ATP5MF: variants seen among roughly 807,000 people sequenced by gnomAD.
ATP5MF encodes ATP synthase F(0) complex subunit f, mitochondrial.
Under a neutral mutation model 13.8 loss-of-function variants are expected in ATP5MF, and 10 were observed. The ratio of observed to expected loss-of-function variants is 0.72; its 90% confidence interval spans 0.45 to 1.23. The LOEUF is 1.23. Ranked by LOEUF, ATP5MF falls within the 50% of genes most tolerant of loss-of-function variation. ATP5MF has a pLI of 0.00. For missense variants in ATP5MF, 122 were observed against 118.2 expected, an observed-to-expected ratio of 1.03 and a Z score of -0.15; for synonymous variants, 40 against 45.8, an observed-to-expected ratio of 0.87 and a Z score of 0.51.
chr7:99,466,064 C>T (rs770052983), intron 1 of ATP5MF, 47 bp downstream of exon 1: 1 of 1,613,858 alleles, frequency 6.2e-7, no homozygotes. Flanking sequence ...GGCTCTGGAC[C>T]CTGGACCCTG....
intron 1 of ATP5MF, among the ~76,000 whole-genome samples, chr7:99,462,982 G>A (rs1326567039): frequency 6.6e-6 from 1 of 152,212 alleles, no homozygotes; most frequent in Non-Finnish European, 1.5e-5. Flanking sequence ...TGGGTTTAAT[G>A]CCATTTTGTA....
chr7:99,465,572 A>C (rs1324433086), intron 1 of ATP5MF, among the ~76,000 whole-genome samples: 1 of 152,132 alleles, frequency 6.6e-6, no homozygotes, highest in Non-Finnish European at 1.5e-5. Flanking sequence ...CTAGAGAATA[A>C]AGTTCATTTA....
At chr7:99,461,019 G>C (rs967500879) in intron 1 of ATP5MF, among the ~76,000 whole-genome samples, 2 of 152,124 alleles carry the variant, frequency 1.3e-5, no homozygotes, top group Admixed American at 1.3e-4. Flanking sequence ...GCCCCAGATC[G>C]TATTCCAATG....
At chr7:99,458,435 C>A in intron 3 of ATP5MF, 80 bp from the exon 4 acceptor site, 1 of 1,407,240 alleles carries the variant, frequency 7.1e-7, no homozygotes. Flanking sequence ...AGGCTGAGAT[C>A]ACACAAAGCC....
chr7:99,466,057 T>C, intron 1 of ATP5MF, 54 bp downstream of exon 1: 1 of 1,613,700 alleles, frequency 6.2e-7, no homozygotes, highest in Middle Eastern at 1.7e-4. Flanking sequence ...CCAGTGTGGC[T>C]CTGGACCCTG....
At position 99,460,096 on chromosome 7, in the gene ATP5MF, C is replaced by T. The variant is rs149159438; in HGVS notation, c.129G>A (p.Ala43=). The change falls in exon 2 of 4, where the codon GCG becomes GCA. Residue 43 remains alanine (A), a synonymous_variant. Coordinates refer to ENST00000292475, the MANE Select transcript of ATP5MF (RefSeq NM_004889.5). ...RDFSPSGIFG[A]FQRGYYRYYN... ...CCACAAGGCTCTGACCTCTTTGAAA[C>T]GCTCCGAAAATGCCACTAGGACTGA... 25 of 1,612,962 alleles carry T rather than the reference C, an allele frequency of 1.5e-5. No individual in the cohort carries two copies. The highest frequency in any genetic ancestry group is 2.1e-5 in the Non-Finnish European group (25 of 1,179,696).
At chr7:99,462,078 G>GA (rs1798629390) in intron 1 of ATP5MF, among the ~76,000 whole-genome samples, 2 of 151,928 alleles carry the variant, frequency 1.3e-5, no homozygotes, top group African/African-American at 4.8e-5. Flanking sequence ...CATCACAGGA[G>GA]AAAAAAGGCA....
At position 99,460,558 on chromosome 7, in the gene ATP5MF, C is replaced by T. The variant is rs1356471673; in HGVS notation, c.32-365G>A. On this transcript the variant is annotated intron_variant, in intron 1 of 3. Coordinates refer to ENST00000292475, the MANE Select transcript of ATP5MF (RefSeq NM_004889.5). ...TAGCTTATTTAATCTTCACAACAAGCACTTCATGTCTTTACCTTAAAGGAG... is the reference window on the plus strand; with the variant it reads ...TAGCTTATTTAATCTTCACAACAAGTACTTCATGTCTTTACCTTAAAGGAG... The T allele has an allele frequency of 5.8e-6, 3 of 520,354 alleles. No homozygotes were observed. The East Asian group carries it at 1.6e-4, about 28-fold the overall frequency. The allele number at this position is 520,354 out of a possible 1,614,324, so 32.2% of individuals were successfully genotyped here.
In ATP5MF at chr7:99,458,285, G is replaced by A. The variant is rs757499267; in HGVS notation, c.*42C>T. The A allele has an allele frequency of 2.6e-5, 41 of 1,599,342 alleles. No individual in the cohort carries two copies. Among genetic ancestry groups the A allele is most frequent in the Admixed American group, 1.4e-4 (8 of 57,928 alleles). ...GATTGTGTTCCTCACGGAGGGGCTC[G>A]GGCCAAGGTCGTGGGGTGGGGGGGT... On this transcript the variant is annotated 3_prime_UTR_variant, in exon 4 of 4. Transcript: ENST00000292475.
chr7:99,458,256 T>G lies in ATP5MF; in HGVS notation c.*71A>C. ...AGGATATGAAAGGATTCAGCAACGA[T>G]TGAGATTGTGTTCCTCACGGAGGGG... is the stretch of plus-strand genomic sequence containing the variant. On this transcript the variant is annotated 3_prime_UTR_variant, in exon 4 of 4. Transcript: ENST00000292475. The G allele has an allele frequency of 1.4e-5, 20 of 1,463,424 alleles. No individual in the cohort carries two copies. The highest frequency in any genetic ancestry group is 4.6e-5 in the East Asian group (2 of 43,424). 90.7% of individuals were successfully genotyped at this position (1,463,424 alleles called of 1,614,324 possible). A position where few individuals can be genotyped will look rare whatever the true frequency, so the allele number is the denominator to read the frequency against.
Position 99,459,235 on chromosome 7 carries a change from GA to G in ATP5MF, c.167del (p.Ile56ThrfsTer3), listed in dbSNP as rs1434183865. 7.4e-6 allele frequency: 12 copies of G among 1,613,984 alleles called. No individual in the cohort carries two copies. Among genetic ancestry groups the G allele is most frequent in the Non-Finnish European group, 1.0e-5 (12 of 1,179,992 alleles). Reference sequence around the variant, plus strand: ...CCGAGATGCTCCCCTTCTTCACATTGATGTACTTGTTGTAGTACCGGTAGTA... The same window carrying G: ...CCGAGATGCTCCCCTTCTTCACATTGTGTACTTGTTGTAGTACCGGTAGTA... ...RGYYRYYNKY[I>X]NVKKGSISGI... On this transcript the variant is annotated frameshift_variant, in exon 3 of 4. Transcript: ENST00000292475. LOFTEE classifies it high-confidence loss of function.
chr7:99,459,992 C>G (rs1447322183), intron 2 of ATP5MF, 94 bp downstream of exon 2: 2 of 1,395,084 alleles, frequency 1.4e-6, no homozygotes, highest in African/African-American at 1.4e-5. Flanking sequence ...TTTCAGACAA[C>G]AAGGCCTTCA....
chr7:99,458,690 A>G (rs1213278509), intron 3 of ATP5MF, among the ~76,000 whole-genome samples: 1 of 152,034 alleles, frequency 6.6e-6, no homozygotes, highest in South Asian at 2.1e-4. Flanking sequence ...GGTGTACACT[A>G]CACTGTCAGA....
At chr7:99,459,360 C>G in intron 2 of ATP5MF, 97 bp from the exon 3 acceptor site, 1 of 883,162 alleles carries the variant, frequency 1.1e-6, no homozygotes, top group East Asian at 2.4e-5. Flanking sequence ...GGACCTAGTC[C>G]TGCTCTGGCT....
rs1475400954 is a variant in ATP5MF, at chr7:99,466,094, A to C, written c.31+17T>G. On this transcript the variant is annotated intron_variant, in intron 1 of 3. Coordinates refer to ENST00000292475, the MANE Select transcript of ATP5MF (RefSeq NM_004889.5). ...ACCCTGGCTCCTGCTTCCACCACGG[A>C]GTCCAAACAGCCTTACCTGGGGCCG... is the stretch of plus-strand genomic sequence containing the variant. 51 of 1,614,092 alleles carry C rather than the reference A, an allele frequency of 3.2e-5. No homozygotes were observed. The highest frequency in any genetic ancestry group is 4.2e-5 in the Non-Finnish European group (50 of 1,179,968).
intron 1 of ATP5MF, among the ~76,000 whole-genome samples, chr7:99,465,194 G>A (rs538296735): frequency 1.3e-5 from 2 of 151,240 alleles, no homozygotes; most frequent in East Asian, 3.9e-4. Context: ...AGGAGGCAAA[G>A]GTTACAGTGA....
At chr7:99,460,278 A>G (rs968972496) in intron 1 of ATP5MF, 85 bp from the exon 2 acceptor site, 50 of 1,471,106 alleles carry the variant, frequency 3.4e-5, no homozygotes, top group Admixed American at 8.7e-5. Flanking sequence ...TGCTTCAACT[A>G]TGCAATAAAG....
At chr7:99,458,451 G>A (rs1038440252) in intron 3 of ATP5MF, 96 bp from the exon 4 acceptor site, 4 of 1,307,270 alleles carry the variant, frequency 3.1e-6, no homozygotes, top group African/African-American at 2.9e-5. Context: ...AAGCCTTCCT[G>A]AGAATTCCCT....
rs1798483266 is a variant in ATP5MF at position 99,459,194 on chromosome 7, A to T, written c.209T>A (p.Leu70Gln). The T allele has an allele frequency of 6.2e-7, 1 of 1,614,064 alleles. No homozygotes were observed. The highest frequency in any genetic ancestry group is 8.5e-7 in the Non-Finnish European group (1 of 1,180,022). The part of the protein sequence containing the change: ...KGSISGITMV[L>Q]ACYVLFSYSF... ...GTAGCTAAAGAGCACGTAGCATGCCAGCACCATGGTAATCCCCGAGATGCT... is the reference window on the plus strand; with the variant it reads ...GTAGCTAAAGAGCACGTAGCATGCCTGCACCATGGTAATCCCCGAGATGCT... Residue 70 changes from leucine to glutamine, a missense_variant, in exon 3 of 4, where the codon CTG (leucine) becomes CAG (glutamine). Transcript: ENST00000292475.
Sources: allele counts gnomAD v4.1 joint callset (sites outside exome capture counted in the v4.1 genomes callset), GRCh38; gene constraint gnomAD v4.1.1; transcripts MANE v1.5; gene names NCBI Gene and HGNC (gene_info 2026-07-23, HGNC 2026-07-21).